Variants in EYS observed in about 807,000 individuals in gnomAD.
EYS encodes the protein EGF-like photoreceptor maintenance factor.
EYS carries 250 observed loss-of-function variants against 282.1 expected under a neutral mutation model. The observed-to-expected ratio is 0.89, with a 90% CI of 0.80 to 0.98. The LOEUF is 0.98. Ranked by LOEUF, EYS falls within the 50% of genes least tolerant of loss-of-function variation. The pLI is 0.00. For missense variants in EYS, 4,016 were observed against 3,709.0 expected (o/e 1.08, Z -2.15); for synonymous variants, 1,355 against 1,282.9 (o/e 1.06, Z -1.20).
intron 26 of EYS, among the ~76,000 whole-genome samples, chr6:64,479,024 T>C (rs1776359397): frequency 6.6e-6 from 1 of 151,964 alleles, no homozygotes; most frequent in South Asian, 2.1e-4. Flanking sequence ...TTATTCAATG[T>C]CATATATTGT....
At chr6:64,742,430 A>G (rs1772407733) in intron 22 of EYS, among the ~76,000 whole-genome samples, 1 of 152,218 alleles carries the variant, frequency 6.6e-6, no homozygotes, top group African/African-American at 2.4e-5. Flanking sequence ...GAAACACAAA[A>G]TGAGCACCTA....
At chr6:64,901,422 A>G (rs941004736) in intron 18 of EYS, among the ~76,000 whole-genome samples, 7 of 151,612 alleles carry the variant, frequency 4.6e-5, no homozygotes, top group African/African-American at 1.7e-4. Flanking sequence ...GGGAGACTAC[A>G]ATAAGATATA....
chr6:65,580,657 A>T (rs1412832314), intron 2 of EYS, among the ~76,000 whole-genome samples: 1 of 152,138 alleles, frequency 6.6e-6, no homozygotes, highest in Non-Finnish European at 1.5e-5. Flanking sequence ...ATAGATCTGT[A>T]TAAAAATTAA....
chr6:64,296,589 TATATA>T (rs1769027315), intron 30 of EYS, among the ~76,000 whole-genome samples: 13 of 4,400 alleles, frequency 3.0e-3, no homozygotes, highest in African/African-American at 0.01. Flanking sequence ...TATATACATA[TATATA>T]TATATTTTTT....
intron 31 of EYS, among the ~76,000 whole-genome samples, chr6:64,190,482 C>T (rs1213607511): frequency 1.3e-5 from 2 of 152,258 alleles, no homozygotes; most frequent in African/African-American, 4.8e-5. Context: ...CAGGCATTGA[C>T]ATTTACATTG....
chr6:64,609,815 A>G (rs959650588), intron 24 of EYS, among the ~76,000 whole-genome samples: 5 of 152,048 alleles, frequency 3.3e-5, no homozygotes, highest in African/African-American at 9.7e-5. Context: ...TGAGCCCAGA[A>G]GTTTGACGCT....
intron 26 of EYS, among the ~76,000 whole-genome samples, chr6:64,575,036 T>G (rs2149820188): frequency 6.6e-6 from 1 of 152,226 alleles, no homozygotes; most frequent in East Asian, 1.9e-4. Flanking sequence ...AAGATAAAAA[T>G]GCATCCAATG....
intron 12 of EYS, among the ~76,000 whole-genome samples, chr6:65,179,052 A>T (rs1242365461): frequency 6.6e-6 from 1 of 152,120 alleles, no homozygotes; most frequent in African/African-American, 2.4e-5. Context: ...TCTGGGACAC[A>T]TTCAAAGCAA....
chr6:64,853,240 T>C (rs1002225399), intron 19 of EYS, among the ~76,000 whole-genome samples: 3 of 152,124 alleles, frequency 2.0e-5, no homozygotes, highest in Non-Finnish European at 4.4e-5. Flanking sequence ...AGAAGTATAC[T>C]CTTGTAAAGT....
chr6:63,884,537 G>A (rs138935926), intron 35 of EYS, among the ~76,000 whole-genome samples: 4 of 152,230 alleles, frequency 2.6e-5, no homozygotes, highest in East Asian at 3.9e-4. Context: ...TGAGATTTGT[G>A]TGCTTTACTG....
intron 12 of EYS, among the ~76,000 whole-genome samples, chr6:65,267,808 C>G: frequency 6.6e-6 from 1 of 151,912 alleles, no homozygotes; most frequent in East Asian, 1.9e-4. Context: ...AATCTGTTTC[C>G]TGCAAAGTAT....
chr6:64,274,377 G>C (rs1768037758), intron 30 of EYS, among the ~76,000 whole-genome samples: 1 of 151,316 alleles, frequency 6.6e-6, no homozygotes, highest in Non-Finnish European at 1.5e-5. Flanking sequence ...TCGTCATTTT[G>C]CCCAGGCTGG....
chr6:64,274,090 A>C (rs979142777), intron 30 of EYS, among the ~76,000 whole-genome samples: 2 of 152,162 alleles, frequency 1.3e-5, no homozygotes, highest in African/African-American at 4.8e-5. Context: ...CCCAGCGTAT[A>C]ACCTTTAAGT....
chr6:64,748,454 G>A (rs557067717), intron 22 of EYS, among the ~76,000 whole-genome samples: 9 of 152,204 alleles, frequency 5.9e-5, no homozygotes, highest in Non-Finnish European at 1.3e-4. Context: ...GTTCACAATA[G>A]GGTTTGCACT....
chr6:64,589,742 C>A (rs1766339785), intron 26 of EYS, among the ~76,000 whole-genome samples: 1 of 151,792 alleles, frequency 6.6e-6, no homozygotes, highest in Non-Finnish European at 1.5e-5. Flanking sequence ...AAACAAAAAA[C>A]TTTAAATTTA....
chr6:63,815,842 T>C (rs1771164433), intron 36 of EYS, among the ~76,000 whole-genome samples: 1 of 152,196 alleles, frequency 6.6e-6, no homozygotes, highest in Non-Finnish European at 1.5e-5. Flanking sequence ...CAATAATTTT[T>C]ATTTTTGTTT....
At chr6:63,856,148 G>T (rs1306967961) in intron 36 of EYS, among the ~76,000 whole-genome samples, 1 of 151,606 alleles carries the variant, frequency 6.6e-6, no homozygotes, top group Non-Finnish European at 1.5e-5. Flanking sequence ...GGATCTGACA[G>T]TATTCATTTG....
At chr6:64,063,959 C>T (rs1347335409) in intron 33 of EYS, among the ~76,000 whole-genome samples, 1 of 152,100 alleles carries the variant, frequency 6.6e-6, no homozygotes, top group Non-Finnish European at 1.5e-5. Context: ...AACTCCTGAC[C>T]TCAGGTGATC....
chr6:65,169,723 A>T (rs2150226589), intron 12 of EYS, among the ~76,000 whole-genome samples: 1 of 151,558 alleles, frequency 6.6e-6, no homozygotes, highest in South Asian at 2.1e-4. Flanking sequence ...ACAGTATCCA[A>T]ACTTATGCTA....
Sources: gnomAD v4.1 joint callset for allele counts (sites outside exome capture counted in the v4.1 genomes callset) on GRCh38, gnomAD v4.1.1 for gene constraint, MANE v1.5 for transcripts, NCBI Gene and HGNC (gene_info 2026-07-23, HGNC 2026-07-21) for gene names.